PCDH7: variants seen among roughly 807,000 people sequenced by gnomAD.
PCDH7 encodes the protein protocadherin 7.
Under a neutral mutation model 58.9 loss-of-function variants are expected in PCDH7, and 17 were observed. The observed-to-expected ratio is 0.29, with a 90% CI of 0.20 to 0.43. The LOEUF is 0.43. Ranked by LOEUF, PCDH7 falls within the 20% of genes least tolerant of loss-of-function variation. The probability of loss-of-function intolerance (pLI) is 1.00; values close to 1 mark genes in which losing one functional copy is unlikely to be tolerated. For synonymous variants in PCDH7, 664 were observed against 616.4 expected, an observed-to-expected ratio of 1.08 and a Z score of -1.14; for missense variants, 1,274 against 1,441.0, an observed-to-expected ratio of 0.88 and a Z score of 1.88.
At chr4:31,136,565 TA>T in intron 3 of PCDH7, among the ~76,000 whole-genome samples, 1 of 152,158 alleles carries the variant, frequency 6.6e-6, no homozygotes, top group East Asian at 1.9e-4. Context: ...TGTAATAAAT[TA>T]AAAAACTCTT....
intron 1 of PCDH7, among the ~76,000 whole-genome samples, chr4:30,827,350 T>G (rs1337885724): frequency 6.6e-6 from 1 of 152,190 alleles, no homozygotes; most frequent in Non-Finnish European, 1.5e-5. Context: ...TTACAACTAG[T>G]ACTATACATA....
At chr4:30,907,294 G>T (rs569020645) in intron 1 of PCDH7, among the ~76,000 whole-genome samples, 104 of 152,180 alleles carry the variant, frequency 6.8e-4, no homozygotes, top group African/African-American at 2.5e-3. Flanking sequence ...CACAGCAAAA[G>T]AAACTATCAT....
intron 3 of PCDH7, among the ~76,000 whole-genome samples, chr4:30,981,776 G>T (rs1750592627): frequency 6.6e-6 from 1 of 152,052 alleles, no homozygotes. Flanking sequence ...AAAATGCTTT[G>T]TGTTGTATAT....
At chr4:31,021,851 AG>A (rs1754046377) in intron 3 of PCDH7, among the ~76,000 whole-genome samples, 1 of 152,190 alleles carries the variant, frequency 6.6e-6, no homozygotes, top group Non-Finnish European at 1.5e-5. Flanking sequence ...CTATGACAGA[AG>A]AAAATTCACT....
intron 1 of PCDH7, among the ~76,000 whole-genome samples, chr4:30,904,067 G>A (rs1056139802): frequency 3.3e-5 from 5 of 152,086 alleles, no homozygotes; most frequent in Non-Finnish European, 5.9e-5. Context: ...TTTCAATGAT[G>A]ACTATAGCCT....
At chr4:30,984,447 C>A (rs1250083568) in intron 3 of PCDH7, among the ~76,000 whole-genome samples, 1 of 152,142 alleles carries the variant, frequency 6.6e-6, no homozygotes, top group Non-Finnish European at 1.5e-5. Flanking sequence ...TTTCTCCCAG[C>A]CAATTTTACT....
intron 1 of PCDH7, among the ~76,000 whole-genome samples, chr4:30,869,715 G>C (rs1480257098): frequency 5.3e-5 from 8 of 152,088 alleles, no homozygotes; most frequent in Non-Finnish European, 1.0e-4. Flanking sequence ...TCAAGTCTTT[G>C]CTATTGGGAA....
At chr4:31,040,382 G>A (rs756901286) in intron 3 of PCDH7, among the ~76,000 whole-genome samples, 2 of 152,012 alleles carry the variant, frequency 1.3e-5, no homozygotes, top group Non-Finnish European at 2.9e-5. Flanking sequence ...ACTTTATCTG[G>A]CTCCTTTTGC....
intron 3 of PCDH7, among the ~76,000 whole-genome samples, chr4:30,964,377 G>C (rs1409942560): frequency 6.6e-6 from 1 of 151,802 alleles, no homozygotes; most frequent in Non-Finnish European, 1.5e-5. Flanking sequence ...GAGTAGCTGG[G>C]ACTACAGGCG....
chr4:30,920,087 A>G, intron 1 of PCDH7, 66 bp from the exon 2 acceptor site: 3 of 1,210,592 alleles, frequency 2.5e-6, no homozygotes, highest in Non-Finnish European at 3.3e-6. Flanking sequence ...TAATTTATGT[A>G]TTTTTTAAAA....
chr4:30,724,090 A>C, exon 1 of PCDH7: 28 of 1,614,084 alleles, frequency 1.7e-5, no homozygotes, highest in Non-Finnish European at 2.4e-5. Flanking sequence ...TGGCATTATG[A>C]CGGTGATTCT....
chr4:31,145,427 TG>T (rs1720613563), downstream of PCDH7: 1 of 151,866 alleles, frequency 6.6e-6, no homozygotes, highest in South Asian at 2.1e-4. Context: ...TTAAATCTGG[TG>T]CCACTCCATA....
chr4:30,891,284 T>G (rs2109383460), intron 1 of PCDH7, among the ~76,000 whole-genome samples: 1 of 152,244 alleles, frequency 6.6e-6, no homozygotes, highest in Middle Eastern at 3.4e-3. Flanking sequence ...GACTTGTCAA[T>G]CACTAAGCAA....
intron 3 of PCDH7, among the ~76,000 whole-genome samples, chr4:31,063,505 A>G (rs1257952294): frequency 2.0e-5 from 3 of 151,670 alleles, no homozygotes; most frequent in African/African-American, 7.3e-5. Context: ...TATTATTATT[A>G]TTATCATTCT....
At chr4:30,841,094 T>G (rs1731156124) in intron 1 of PCDH7, among the ~76,000 whole-genome samples, 1 of 152,118 alleles carries the variant, frequency 6.6e-6, no homozygotes, top group Non-Finnish European at 1.5e-5. Context: ...GCACTGCACC[T>G]GCCTAAAAAT....
intron 3 of PCDH7, among the ~76,000 whole-genome samples, chr4:31,067,642 A>G (rs1039759033): frequency 2.0e-5 from 3 of 151,968 alleles, no homozygotes; most frequent in African/African-American, 7.2e-5. Context: ...ATATAAATAT[A>G]TGAAATGAGT....
At chr4:31,116,789 TATTATCTAAC>T (rs1010181262) in intron 3 of PCDH7, among the ~76,000 whole-genome samples, 1 of 152,168 alleles carries the variant, frequency 6.6e-6, no homozygotes, top group Non-Finnish European at 1.5e-5. Flanking sequence ...ACATATTGTA[TATTATCTAAC>T]ATTCAAACTG....
At chr4:30,966,623 T>C (rs1187048583) in intron 3 of PCDH7, among the ~76,000 whole-genome samples, 1 of 152,084 alleles carries the variant, frequency 6.6e-6, no homozygotes, top group African/African-American at 2.4e-5. Flanking sequence ...TAAGCAGGGA[T>C]GTGTTTAGTT....
chr4:31,003,427 G>C (rs1028208987), intron 3 of PCDH7, among the ~76,000 whole-genome samples: 5 of 150,618 alleles, frequency 3.3e-5, no homozygotes, highest in Non-Finnish European at 7.4e-5. Context: ...ACTCCTTCTA[G>C]TCCTCGTTTT....
Sources: allele counts gnomAD v4.1 joint callset (sites outside exome capture counted in the v4.1 genomes callset), GRCh38; gene constraint gnomAD v4.1.1; transcripts MANE v1.5; gene names NCBI Gene and HGNC (gene_info 2026-07-23, HGNC 2026-07-21).